Variants in RTBDN observed in about 807,000 individuals in gnomAD.
RTBDN encodes retbindin.
A neutral mutation model predicts 21.9 loss-of-function variants in RTBDN; 24 were observed. That is an observed-to-expected ratio of 1.10 (90% CI 0.79 to 1.54). The LOEUF is 1.54. Ranked by LOEUF, RTBDN falls within the 40% of genes most tolerant of loss-of-function variation. The probability of loss-of-function intolerance (pLI) is 0.00; values close to 1 mark genes in which losing one functional copy is unlikely to be tolerated. For synonymous variants in RTBDN, 141 were observed against 125.9 expected (o/e 1.12, Z -0.80); for missense variants, 325 against 315.2 (o/e 1.03, Z -0.23).
rs1969446069 is a variant in RTBDN at position 12,829,014 on chromosome 19, AG to A, written c.170-62del. On this transcript the variant is annotated intron_variant, in intron 2 of 5. Coordinates refer to ENST00000674343, the MANE Select transcript of RTBDN (RefSeq NM_001270441.2). The stretch of plus-strand genomic sequence containing the variant: ...ATATTCAGGTAAGGTTTGGGAACTG[AG>A]GCCTGGGGATCCCCTGGACAGGGGA... 4 of 1,603,410 alleles carry A rather than the reference AG, an allele frequency of 2.5e-6. No homozygotes were observed. In the East Asian group the frequency reaches 9.0e-5, roughly 36 times the overall value.
intron 5 of RTBDN, 192 bp from the exon 6 acceptor site, chr19:12,826,125 A>G (rs1969287558): frequency 9.3e-6 from 13 of 1,392,112 alleles, no homozygotes; most frequent in Non-Finnish European, 1.2e-5. Context: ...ACTGGGCCCT[A>G]GCGGGATGAA....
At chr19:12,828,197 A>T (rs1352517015) in intron 4 of RTBDN, among the ~76,000 whole-genome samples, 2 of 151,912 alleles carry the variant, frequency 1.3e-5, no homozygotes, top group African/African-American at 2.4e-5. Flanking sequence ...GGAGTCTGAG[A>T]CCAGCCTGAC....
In RTBDN at chr19:12,830,865, G is replaced by A. The variant is rs1568400262; in HGVS notation, c.-18-868C>T. On this transcript the variant is annotated intron_variant, in intron 1 of 5. Coordinates refer to ENST00000674343, the MANE Select transcript of RTBDN (RefSeq NM_001270441.2). This position sits in a 1 kb window ranked among gnomAD's most constrained non-coding sequence, Gnocchi z 4.2. ...TGTGTGTGTGTGTGTGTGTGTGTAT[G>A]TGTGTGAGGAAGGTGTGTTTGTGTG... Among the ~76,000 whole-genome samples, 3 of 151,324 alleles carry A rather than the reference G, an allele frequency of 2.0e-5. No homozygotes were observed. Among genetic ancestry groups the A allele is most frequent in the East Asian group, 1.9e-4 (1 of 5,168 alleles).
chr19:12,830,647 C>A lies in RTBDN; in HGVS notation c.-18-650G>T, dbSNP rs1398174881. On this transcript the variant is annotated intron_variant, in intron 1 of 5. Transcript: ENST00000674343. The surrounding 1 kb of genome is among the most constrained non-coding windows in gnomAD (Gnocchi z 4.2). Reference sequence around the variant, plus strand: ...GATTGGGGTCTAGAGGCCGCTAAGACACCTCAGGATCCAGTCCAGGAAACT... The same window carrying A: ...GATTGGGGTCTAGAGGCCGCTAAGAAACCTCAGGATCCAGTCCAGGAAACT... 2 of 985,508 alleles carry A rather than the reference C, an allele frequency of 2.0e-6. No individual in the cohort carries two copies. Among genetic ancestry groups the A allele is most frequent in the African/African-American group, 3.5e-5 (2 of 57,258 alleles). The allele number at this position is 985,508 out of a possible 1,614,324, so 61.0% of individuals were successfully genotyped here.
At chr19:12,829,682 A>T in intron 2 of RTBDN, 129 bp downstream of exon 2, 1 of 870,998 alleles carries the variant, frequency 1.1e-6, no homozygotes, top group Non-Finnish European at 1.7e-6. Context: ...ACCATTCTTC[A>T]GCACTATCCG....
Position 12,834,476 on chromosome 19 carries a change from G to A in RTBDN, c.-19+13C>T. ...CCTCCCGAGGCATAGGACGCCCTGC[G>A]TCCCCCACGCACCTGCCTGGCCATC... is the stretch of plus-strand genomic sequence containing the variant. On this transcript the variant is annotated intron_variant, in intron 1 of 5. Coordinates refer to ENST00000674343, the MANE Select transcript of RTBDN (RefSeq NM_001270441.2). The surrounding 1 kb of genome is among the most constrained non-coding windows in gnomAD (Gnocchi z 4.7). 1.3e-6 allele frequency: 2 copies of A among 1,532,478 alleles called. No individual in the cohort carries two copies. Among genetic ancestry groups the A allele is most frequent in the Non-Finnish European group, 1.7e-6 (2 of 1,143,574 alleles). The allele number at this position is 1,532,478 out of a possible 1,614,324, so 94.9% of individuals were successfully genotyped here.
chr19:12,828,407 G>GAAAGAAAAGAA (rs1969408241), intron 4 of RTBDN, among the ~76,000 whole-genome samples: 16 of 151,550 alleles, frequency 1.1e-4, no homozygotes, highest in African/African-American at 2.2e-4. Flanking sequence ...AAAAAAAAAA[G>GAAAGAAAAGAA]AAAGAAAGAA....
chr19:12,834,705 C>T (rs1969697218), upstream of RTBDN: 1 of 1,548,252 alleles, frequency 6.5e-7, no homozygotes, highest in Non-Finnish European at 8.9e-7. This position sits in a 1 kb window ranked among gnomAD's most constrained non-coding sequence, Gnocchi z 4.7. Flanking sequence ...GCCGTGCGTC[C>T]ACTGCACGGA....
At chr19:12,829,700 C>T in intron 2 of RTBDN, 111 bp downstream of exon 2, 2 of 1,122,718 alleles carry the variant, frequency 1.8e-6, no homozygotes, top group Non-Finnish European at 1.3e-6. Flanking sequence ...CCGTGCCTCC[C>T]ACCTTGGTGG....
chr19:12,830,736 A>C lies in RTBDN; in HGVS notation c.-18-739T>G. ...CCTCCCACCGTCCTGCCCACACTCC[A>C]GCTGACCAAAGGCTGGCCGACTTGG... is the stretch of plus-strand genomic sequence containing the variant. On this transcript the variant is annotated intron_variant, in intron 1 of 5. Transcript: ENST00000674343. The surrounding 1 kb of genome is among the most constrained non-coding windows in gnomAD (Gnocchi z 4.2). 1 of 957,972 alleles carries C rather than the reference A, an allele frequency of 1.0e-6. No individual in the cohort carries two copies. Among genetic ancestry groups the C allele is most frequent in the Non-Finnish European group, 1.2e-6 (1 of 804,924 alleles). The allele number at this position is 957,972 out of a possible 1,614,324, so 59.3% of individuals were successfully genotyped here. A position where few individuals can be genotyped will look rare whatever the true frequency, so the allele number is the denominator to read the frequency against.
chr19:12,834,565 C>T lies in RTBDN; in HGVS notation c.-95G>A, dbSNP rs1417595695. Reference sequence around the variant, plus strand: ...ACAGCTTTCTCACTCTTCATTCCACCTCCTCCACTACAACATCCGCCCCCC... The same window carrying T: ...ACAGCTTTCTCACTCTTCATTCCACTTCCTCCACTACAACATCCGCCCCCC... On this transcript the variant is annotated 5_prime_UTR_variant, in exon 1 of 6. Coordinates refer to ENST00000674343, the MANE Select transcript of RTBDN (RefSeq NM_001270441.2). This position sits in a 1 kb window ranked among gnomAD's most constrained non-coding sequence, Gnocchi z 4.7. 1.3e-6 allele frequency: 2 copies of T among 1,527,666 alleles called. No homozygotes were observed. Among genetic ancestry groups the T allele is most frequent in the East Asian group, 2.5e-5 (1 of 40,674 alleles). The allele number at this position is 1,527,666 out of a possible 1,614,324, so 94.6% of individuals were successfully genotyped here.
Position 12,825,966 on chromosome 19 carries a change from C to A in RTBDN, c.463-33G>T, listed in dbSNP as rs376869930. On this transcript the variant is annotated intron_variant, in intron 5 of 5. Transcript: ENST00000674343. ...AAAGTGGAGTTAAGGCCCTAGTGGG[C>A]GGAGTCCAGAGACGTGGGGGGCGTG... The A allele has an allele frequency of 1.3e-5, 20 of 1,530,468 alleles. No individual in the cohort carries two copies. The Admixed American group carries it at 1.4e-4, about 11-fold the overall frequency. 94.8% of individuals were successfully genotyped at this position (1,530,468 alleles called of 1,614,324 possible). A position where few individuals can be genotyped will look rare whatever the true frequency, so the allele number is the denominator to read the frequency against.
rs535377211 is a variant in RTBDN, at chr19:12,834,452, C to T, written c.-19+37G>A. 1.3e-6 allele frequency: 2 copies of T among 1,490,262 alleles called. No individual in the cohort carries two copies. Among genetic ancestry groups the T allele is most frequent in the South Asian group, 1.2e-5 (1 of 83,198 alleles). 92.3% of individuals were successfully genotyped at this position (1,490,262 alleles called of 1,614,324 possible). A position where few individuals can be genotyped will look rare whatever the true frequency, so the allele number is the denominator to read the frequency against. On this transcript the variant is annotated intron_variant, in intron 1 of 5. Transcript: ENST00000674343. The surrounding 1 kb of genome is among the most constrained non-coding windows in gnomAD (Gnocchi z 4.7). ...CGCCCCTCACCACCCCAGGAGCCCC[C>T]TCCCGAGGCATAGGACGCCCTGCGT...
In RTBDN at chr19:12,833,701, G is replaced by C. The variant is rs892808794; in HGVS notation, c.-19+788C>G. ...TCTCGGCAGCTTGGCTCCCATGGGG[G>C]CACCAGGAGGCTCCGCCCCCCCGCC... On this transcript the variant is annotated intron_variant, in intron 1 of 5. Transcript: ENST00000674343. 2.6e-5 allele frequency among the ~76,000 whole-genome samples: 4 copies of C among 151,872 alleles called. No homozygotes were observed. In the East Asian group the frequency reaches 7.8e-4, roughly 30 times the overall value.
chr19:12,831,908 G>C (rs1286302946), intron 1 of RTBDN, among the ~76,000 whole-genome samples: 5 of 152,164 alleles, frequency 3.3e-5, no homozygotes, highest in Admixed American at 6.5e-5. Flanking sequence ...CTTGGTTTTG[G>C]AACTATGTGA....
rs770975568 is a variant in RTBDN at position 12,829,857 on chromosome 19, G to A, written c.123C>T (p.His41=). Residue 41 remains histidine, a synonymous_variant, in exon 2 of 6, where the codon CAC becomes CAT. Transcript: ENST00000674343. ...SRPLQARSQQ[H]HGLAADLGKG... is the part of the protein sequence containing the mutation. Reference sequence around the variant, plus strand: ...TGCCCAGATCAGCTGCCAGCCCATGGTGTTGCTGGGACCTGGCTTGGAGTG... The same window carrying A: ...TGCCCAGATCAGCTGCCAGCCCATGATGTTGCTGGGACCTGGCTTGGAGTG... The A allele has an allele frequency of 1.5e-5, 25 of 1,614,152 alleles. No individual in the cohort carries two copies. The South Asian group carries it at 2.5e-4, about 16-fold the overall frequency.
intron 5 of RTBDN, chr19:12,826,184 T>A (rs1187633801): frequency 7.3e-7 from 1 of 1,360,678 alleles, no homozygotes; most frequent in Admixed American, 3.6e-5. Flanking sequence ...GTATCAAGGC[T>A]GGGGTTTTGT....
At chr19:12,826,903 C>T (rs1245270590) in intron 4 of RTBDN, 32 bp from the exon 5 acceptor site, 1 of 1,444,278 alleles carries the variant, frequency 6.9e-7, no homozygotes, top group Non-Finnish European at 9.5e-7. Context: ...GTGGGTAAAG[C>T]CTTTGTAGTT....
At chr19:12,835,419 T>C (rs1969717779), upstream of RTBDN, 1 of 335,342 alleles carries the variant, frequency 3.0e-6, no homozygotes, top group Non-Finnish European at 5.6e-6. Flanking sequence ...GTCCGCGCCG[T>C]CGGGTTTCTG....
Sources: allele counts gnomAD v4.1 joint callset (sites outside exome capture counted in the v4.1 genomes callset), GRCh38; gene constraint gnomAD v4.1.1; non-coding constraint Gnocchi (gnomAD v3.1); transcripts MANE v1.5; gene names NCBI Gene and HGNC (gene_info 2026-07-23, HGNC 2026-07-21).